Variants in S100Z observed in about 807,000 individuals in gnomAD.
S100Z encodes S100 calcium binding protein Z, also known as protein S100-Z.
S100Z carries 11 observed loss-of-function variants against 8.5 expected under a neutral mutation model. The observed-to-expected ratio is 1.30, with a 90% CI of 0.82 to 2.15. The LOEUF (loss-of-function observed/expected upper bound fraction) is 2.15. Among genes scored for constraint, S100Z ranks in the 30% most tolerant of loss-of-function variants. The pLI, the probability that S100Z is intolerant of heterozygous loss-of-function variation, is 0.00. For missense variants in S100Z, 126 were observed against 117.9 expected (o/e 1.07, Z -0.32); for synonymous variants, 34 against 43.8 (o/e 0.78, Z 0.89).
intron 4 of S100Z, among the ~76,000 whole-genome samples, chr5:76,880,724 A>G (rs754190593): frequency 7.2e-5 from 11 of 152,166 alleles, no homozygotes; most frequent in Non-Finnish European, 1.3e-4. Context: ...AGTTCAGCAT[A>G]ATTATTTGCT....
the S100Z span, chr5:76,952,925 G>A: frequency 2.7e-4 from 152 of 566,052 alleles, 1 homozygote; most frequent in African/African-American, 2.8e-3. Context: ...CCTCGTCATC[G>A]CCACGTACTC....
At chr5:76,890,782 G>A (rs536507954) in intron 4 of S100Z, among the ~76,000 whole-genome samples, 1 of 152,326 alleles carries the variant, frequency 6.6e-6, no homozygotes, top group Non-Finnish European at 1.5e-5. Flanking sequence ...ATCAGAAAAG[G>A]CCTTGGGTGC....
At chr5:76,892,759 G>T (rs932799420) in intron 4 of S100Z, among the ~76,000 whole-genome samples, 21 of 152,280 alleles carry the variant, frequency 1.4e-4, no homozygotes, top group African/African-American at 4.1e-4. Flanking sequence ...GTGCTAAAAG[G>T]GGGTAGAGGA....
intron 3 of S100Z, among the ~76,000 whole-genome samples, chr5:76,876,194 T>C (rs941309038): frequency 1.3e-5 from 2 of 152,188 alleles, no homozygotes; most frequent in Non-Finnish European, 2.9e-5. Flanking sequence ...GATGTTATTC[T>C]CTCCAAACCT....
At position 76,852,159 on chromosome 5, in the gene S100Z, G is replaced by A. The variant is rs193020636; in HGVS notation, c.-176+2004G>A. Reference sequence around the variant, plus strand: ...CAGTCTCGCCTTCTTGGGAGAGCACGGGCTCTCCAATTTCCCACTGGCCTC... The same window carrying A: ...CAGTCTCGCCTTCTTGGGAGAGCACAGGCTCTCCAATTTCCCACTGGCCTC... On this transcript the variant is annotated intron_variant, in intron 1 of 4. Transcript: ENST00000317593. Among the ~76,000 whole-genome samples the A allele has an allele frequency of 1.3e-3, 192 of 152,116 alleles. 2 individuals are homozygous for A. The highest frequency in any genetic ancestry group is 8.0e-3 in the Admixed American group (123 of 15,280).
intron 1 of S100Z, among the ~76,000 whole-genome samples, chr5:76,855,163 G>C (rs1188990454): frequency 6.6e-6 from 1 of 152,238 alleles, no homozygotes; most frequent in Non-Finnish European, 1.5e-5. Flanking sequence ...AGCCTTCATA[G>C]AGAACGTCTG....
downstream of S100Z, among the ~76,000 whole-genome samples, chr5:76,922,474 C>T (rs564518444): frequency 2.6e-5 from 4 of 152,286 alleles, no homozygotes; most frequent in South Asian, 8.3e-4. Flanking sequence ...TCCCTCCCAC[C>T]TCCCAGGTTC....
the S100Z span, chr5:76,948,757 CTAT>C: frequency 2.0e-5 from 3 of 152,168 alleles, no homozygotes; most frequent in African/African-American, 7.2e-5. Flanking sequence ...ATGGAAAACA[CTAT>C]GGACTTTCCT....
At chr5:76,865,528 T>C (rs1015717296) in intron 1 of S100Z, among the ~76,000 whole-genome samples, 1 of 151,140 alleles carries the variant, frequency 6.6e-6, no homozygotes, top group Non-Finnish European at 1.5e-5. Flanking sequence ...ATTACAGGCG[T>C]GAGCCACTGT....
intron 4 of S100Z, among the ~76,000 whole-genome samples, chr5:76,892,535 C>A (rs967312184): frequency 5.3e-5 from 8 of 150,798 alleles, no homozygotes; most frequent in Admixed American, 4.6e-4. Flanking sequence ...AGATTGGGGG[C>A]ATGCATAACA....
chr5:76,880,774 A>G (rs1038101893), intron 4 of S100Z, among the ~76,000 whole-genome samples: 2 of 152,196 alleles, frequency 1.3e-5, no homozygotes, highest in African/African-American at 2.4e-5. Flanking sequence ...GAGTTTTTTT[A>G]TGTTGTCATA....
intron 4 of S100Z, among the ~76,000 whole-genome samples, chr5:76,905,011 C>T (rs991601999): frequency 6.6e-6 from 1 of 152,202 alleles, no homozygotes; most frequent in African/African-American, 2.4e-5. Context: ...TTCCCCAGAA[C>T]ATTTGGCAAT....
chr5:76,856,845 G>C (rs919390357), intron 1 of S100Z, among the ~76,000 whole-genome samples: 1 of 152,134 alleles, frequency 6.6e-6, no homozygotes, highest in Non-Finnish European at 1.5e-5. Context: ...TTAATTTATA[G>C]GTAAAACCAT....
chr5:76,850,225 T>C (rs779083395), intron 1 of S100Z, 70 bp downstream of exon 1: 1 of 150,916 alleles, frequency 6.6e-6, no homozygotes, highest in African/African-American at 2.4e-5. Flanking sequence ...CTGGCAGGCG[T>C]TGGATTAGAG....
chr5:76,928,526 T>G, the S100Z span, among the ~76,000 whole-genome samples: 1 of 152,204 alleles, frequency 6.6e-6, no homozygotes, highest in Non-Finnish European at 1.5e-5. Flanking sequence ...GCTGCTGCTT[T>G]CTTTCTGCAT....
At chr5:76,880,768 T>A (rs939792435) in intron 4 of S100Z, among the ~76,000 whole-genome samples, 8 of 152,188 alleles carry the variant, frequency 5.3e-5, no homozygotes, top group African/African-American at 1.7e-4. Flanking sequence ...ATCCTTGAGT[T>A]TTTTTATGTT....
At chr5:76,882,841 G>A (rs186242680) in intron 4 of S100Z, among the ~76,000 whole-genome samples, 359 of 152,272 alleles carry the variant, frequency 2.4e-3, no homozygotes, top group African/African-American at 7.8e-3. Flanking sequence ...AGGGTGCAAG[G>A]AATAGTAAAG....
chr5:76,944,074 G>A, the S100Z span, among the ~76,000 whole-genome samples: 2 of 151,366 alleles, frequency 1.3e-5, no homozygotes, highest in African/African-American at 2.4e-5. Context: ...ACCCTATCCC[G>A]GCCCCATCCC....
At position 76,862,124 on chromosome 5, in the gene S100Z, AGTGTGC is replaced by A. The variant is rs1430717239; in HGVS notation, c.-175-8036_-175-8031del. 2.8e-3 allele frequency among the ~76,000 whole-genome samples: 389 copies of A among 138,508 alleles called. 4 individuals are homozygous for A. The highest frequency in any genetic ancestry group is 0.021 in the Middle Eastern group (6 of 280). The allele number at this position is 138,508 out of a possible 152,430, so 90.9% of individuals were successfully genotyped here. ...TTTTCTCATGCTGGCAGGGATAAGGAGTGTGCGTGTGTGTGTGTGTGTGTGTGTGTG... is the reference window on the plus strand; with the variant it reads ...TTTTCTCATGCTGGCAGGGATAAGGAGTGTGTGTGTGTGTGTGTGTGTGTG... On this transcript the variant is annotated intron_variant, in intron 1 of 4. Coordinates refer to ENST00000317593, the MANE Select transcript of S100Z (RefSeq NM_130772.4).
Sources: gnomAD v4.1 joint callset for allele counts (sites outside exome capture counted in the v4.1 genomes callset) on GRCh38, gnomAD v4.1.1 for gene constraint, MANE v1.5 for transcripts, NCBI Gene and HGNC (gene_info 2026-07-23, HGNC 2026-07-21) for gene names.